Variants in PAPPA observed in about 807,000 individuals in gnomAD.
The protein encoded by PAPPA is pappalysin 1.
A neutral mutation model predicts 164.0 loss-of-function variants in PAPPA; 60 were observed. That is an observed-to-expected ratio of 0.37 (90% CI 0.30 to 0.45). PAPPA has a LOEUF of 0.45. Ranked by LOEUF, PAPPA falls within the 20% of genes least tolerant of loss-of-function variation. The pLI, the probability that PAPPA is intolerant of heterozygous loss-of-function variation, is 1.00. For missense variants in PAPPA, 1,782 were observed against 2,087.3 expected, an observed-to-expected ratio of 0.85 and a Z score of 2.85; for synonymous variants, 875 against 814.1, an observed-to-expected ratio of 1.07 and a Z score of -1.27.
chr9:116,314,651 G>A (rs1221395741), intron 10 of PAPPA, among the ~76,000 whole-genome samples: 2 of 152,202 alleles, frequency 1.3e-5, no homozygotes, highest in African/African-American at 4.8e-5. Flanking sequence ...TATTGCCTAA[G>A]GGGCACGTTC....
intron 13 of PAPPA, among the ~76,000 whole-genome samples, chr9:116,335,487 T>G (rs1357883678): frequency 6.6e-6 from 1 of 152,124 alleles, no homozygotes; most frequent in Non-Finnish European, 1.5e-5. Context: ...CCAAGGGGGA[T>G]AGAGTGAGAC....
Position 116,352,849 on chromosome 9 carries a change from G to T in PAPPA, c.4108G>T (p.Gly1370Cys). The T allele has an allele frequency of 3.7e-6, 6 of 1,614,044 alleles. No individual in the cohort carries two copies. The highest frequency in any genetic ancestry group is 5.1e-6 in the Non-Finnish European group (6 of 1,179,984). ...GTGCCGAGAGAATAAGCACAAGGTG[G>T]GCTCCTTCTGCAAATACAAATGCAA... ...ARCRENKHKV[G>C]SFCKYKCKPG... The change falls in exon 16 of 22, where the codon GGC becomes TGC. Residue 1370 changes from glycine to cysteine, a missense_variant. Physicochemically the swap from Gly to Cys is radical, Grantham distance 159. Transcript: ENST00000328252.
intron 3 of PAPPA, 117 bp downstream of exon 3, chr9:116,207,718 C>T (rs1006524244): frequency 2.8e-6 from 2 of 712,158 alleles, no homozygotes; most frequent in Admixed American, 6.8e-5. Flanking sequence ...GGGTGAACAA[C>T]CGATTTATTT....
At chr9:116,198,352 A>G (rs933024536) in intron 2 of PAPPA, among the ~76,000 whole-genome samples, 21 of 152,186 alleles carry the variant, frequency 1.4e-4, no homozygotes, top group Middle Eastern at 3.2e-3. Context: ...AGAGTTTCTG[A>G]GGCTGTCAAA....
intron 7 of PAPPA, among the ~76,000 whole-genome samples, chr9:116,261,206 T>G (rs1470630498): frequency 6.6e-6 from 1 of 152,244 alleles, no homozygotes; most frequent in African/African-American, 2.4e-5. Context: ...ACATAGAAAC[T>G]ATGATAGCTG....
chr9:116,362,268 T>A (rs553444075), intron 17 of PAPPA, among the ~76,000 whole-genome samples: 1 of 150,046 alleles, frequency 6.7e-6, no homozygotes, highest in Admixed American at 6.7e-5. Context: ...AAAAAAAAAC[T>A]CCCACACACA....
At chr9:116,158,555 G>C (rs1307040296) in intron 1 of PAPPA, among the ~76,000 whole-genome samples, 1 of 152,188 alleles carries the variant, frequency 6.6e-6, no homozygotes, top group Non-Finnish European at 1.5e-5. Context: ...CTGTATCATA[G>C]AGCTGTGTAA....
intron 21 of PAPPA, among the ~76,000 whole-genome samples, chr9:116,388,049 A>T: frequency 6.8e-6 from 1 of 146,836 alleles, no homozygotes; most frequent in East Asian, 2.0e-4. Context: ...CAGCATGATG[A>T]CTGTCTGCTC....
At chr9:116,394,363 G>A (rs1846934164) in intron 21 of PAPPA, among the ~76,000 whole-genome samples, 1 of 152,070 alleles carries the variant, frequency 6.6e-6, no homozygotes, top group Non-Finnish European at 1.5e-5. Flanking sequence ...ATGAAATATG[G>A]TATTTTAAAA....
At chr9:116,323,044 G>C (rs1299424707) in intron 10 of PAPPA, among the ~76,000 whole-genome samples, 1 of 152,158 alleles carries the variant, frequency 6.6e-6, no homozygotes, top group South Asian at 2.1e-4. Context: ...AAACCTCATG[G>C]CATGTCCCCT....
In PAPPA at chr9:116,367,741, C is replaced by A; in HGVS notation, c.4592C>A (p.Pro1531His). The A allele has an allele frequency of 6.2e-7, 1 of 1,612,374 alleles. No homozygotes were observed. The highest frequency in any genetic ancestry group is 8.5e-7 in the Non-Finnish European group (1 of 1,178,556). Residue 1531 changes from proline to histidine, a missense_variant, in exon 19 of 22, where the codon CCC becomes CAC. By Grantham distance (77) the Pro-to-His change is moderately conservative. This residue lies in a region of PAPPA where 1,324 missense variants were observed against 1,656.9 expected (regional missense o/e 0.80). Transcript: ENST00000328252. The stretch of plus-strand genomic sequence containing the variant: ...CGTGACATCCCCCACTGGCTGAACC[C>A]CACACGGGTAGAGGTGAGTGACCAG... ...TVRDIPHWLN[P>H]TRVERVVCTA...
In PAPPA at chr9:116,336,324, A is replaced by G. The variant is rs1335863558; in HGVS notation, c.3611+1250A>G. On this transcript the variant is annotated intron_variant, in intron 13 of 21. Transcript: ENST00000328252. ...CACAAAAGGTGGTTGCAAAATCCAC[A>G]TTGTTTAGTACCCACTGTCTCTAGC... 2.0e-5 allele frequency among the ~76,000 whole-genome samples: 3 copies of G among 152,112 alleles called. No individual in the cohort carries two copies. The East Asian group carries it at 5.8e-4, about 29-fold the overall frequency.
chr9:116,226,962 G>T (rs1844518024), intron 5 of PAPPA, among the ~76,000 whole-genome samples: 1 of 152,336 alleles, frequency 6.6e-6, no homozygotes, highest in Admixed American at 6.5e-5. Context: ...ATTTTCAGAA[G>T]AAGGAACCAT....
At chr9:116,382,922 G>A (rs553891847) in intron 21 of PAPPA, among the ~76,000 whole-genome samples, 1 of 152,134 alleles carries the variant, frequency 6.6e-6, no homozygotes, top group South Asian at 2.1e-4. Context: ...AAATCCCAGT[G>A]AGAACACACA....
chr9:116,330,960 A>G (rs900020995), intron 10 of PAPPA, among the ~76,000 whole-genome samples: 2 of 152,200 alleles, frequency 1.3e-5, no homozygotes, highest in African/African-American at 4.8e-5. Flanking sequence ...CTACTCTTCC[A>G]GGCCCAAATC....
In PAPPA at chr9:116,235,075, A is replaced by C; in HGVS notation, c.2234-64A>C. 3 of 1,594,398 alleles carry C rather than the reference A, an allele frequency of 1.9e-6. No homozygotes were observed. The Admixed American group carries it at 5.0e-5, about 27-fold the overall frequency. ...ACCAATTTCTCCTGGGGTCCACAGGAAACTCTAAGGATGGGAATAAAGCTC... is the reference window on the plus strand; with the variant it reads ...ACCAATTTCTCCTGGGGTCCACAGGCAACTCTAAGGATGGGAATAAAGCTC... On this transcript the variant is annotated intron_variant, in intron 6 of 21. Coordinates refer to ENST00000328252, the MANE Select transcript of PAPPA (RefSeq NM_002581.5).
Position 116,333,960 on chromosome 9 carries a change from A to G in PAPPA, c.3398-901A>G, listed in dbSNP as rs569566226. Among the ~76,000 whole-genome samples the G allele has an allele frequency of 1.2e-4, 19 of 152,304 alleles. No homozygotes were observed. The South Asian group carries it at 3.9e-3, about 32-fold the overall frequency. ...AGAAGGGCACCTGCTTCAGGCTTCC[A>G]CATGGGAGATTTCTCCTTACATAGC... On this transcript the variant is annotated intron_variant, in intron 12 of 21. Coordinates refer to ENST00000328252, the MANE Select transcript of PAPPA (RefSeq NM_002581.5).
rs1845137962 is a variant in PAPPA, at chr9:116,271,543, TG to T, written c.2953+128del. 1.4e-6 allele frequency: 1 copy of T among 715,452 alleles called. No individual in the cohort carries two copies. Among genetic ancestry groups the T allele is most frequent in the Non-Finnish European group, 2.5e-6 (1 of 406,740 alleles). The allele number at this position is 715,452 out of a possible 1,614,324, so 44.3% of individuals were successfully genotyped here. ...ACTCCTTTGTATTACACCTGTTTAT[TG>T]AGTGCCTCCTACATGCCAGGCACTG... On this transcript the variant is annotated intron_variant, in intron 9 of 21. Transcript: ENST00000328252. The surrounding 1 kb of genome is among the most constrained non-coding windows in gnomAD (Gnocchi z 4.2).
intron 10 of PAPPA, among the ~76,000 whole-genome samples, chr9:116,320,157 T>G (rs1389975734): frequency 6.6e-6 from 1 of 152,272 alleles, no homozygotes; most frequent in Non-Finnish European, 1.5e-5. Context: ...ATATGATTTC[T>G]ATATTCCCTT....
Sources: gnomAD v4.1 joint callset for allele counts (sites outside exome capture counted in the v4.1 genomes callset) on GRCh38, gnomAD v4.1.1 for gene constraint, gnomAD v4.1.1 regional missense constraint, Gnocchi (gnomAD v3.1) non-coding constraint, MANE v1.5 for transcripts, NCBI Gene and HGNC (gene_info 2026-07-23, HGNC 2026-07-21) for gene names.